The following LARGE1 variants were observed in gnomAD, a reference collection of about 807,000 sequenced individuals.
LARGE1 encodes the protein xylosyl- and glucuronyltransferase LARGE1.
A neutral mutation model predicts 87.6 loss-of-function variants in LARGE1; 43 were observed. The ratio of observed to expected loss-of-function variants is 0.49; its 90% CI spans 0.38 to 0.63. The LOEUF (loss-of-function observed/expected upper bound fraction) is 0.63, where lower values mean the gene tolerates loss of function less well. LARGE1 is among the 30% of genes least tolerant of loss of function. The pLI, the probability that LARGE1 is intolerant of heterozygous loss-of-function variation, is 0.00. For missense variants in LARGE1, 802 were observed against 1,000.2 expected (o/e 0.80, Z 2.67); for synonymous variants, 434 against 394.6 (o/e 1.10, Z -1.18).
intron 2 of LARGE1, chr22:33,746,288 G>A (rs2145583892): frequency 6.6e-6 from 1 of 152,310 alleles, no homozygotes; most frequent in African/African-American, 2.4e-5. Flanking sequence ...ACAGTTCTGA[G>A]GAAGAAACTA....
intron 1 of LARGE1, among the ~76,000 whole-genome samples, chr22:33,784,285 T>C (rs2085527136): frequency 6.6e-6 from 1 of 152,182 alleles, no homozygotes; most frequent in Non-Finnish European, 1.5e-5. Context: ...TTCACATACG[T>C]TGTCTTACTA....
At chr22:33,519,802 C>T (rs1489723448) in intron 6 of LARGE1, among the ~76,000 whole-genome samples, 2 of 152,112 alleles carry the variant, frequency 1.3e-5, no homozygotes, top group African/African-American at 4.8e-5. Flanking sequence ...ATCACCAGCC[C>T]ACATTCTGTT....
At chr22:33,870,276 CA>C in intron 1 of LARGE1, among the ~76,000 whole-genome samples, 1 of 152,066 alleles carries the variant, frequency 6.6e-6, no homozygotes, top group East Asian at 1.9e-4. Context: ...ATGGCCCTGC[CA>C]ACACAAAACT....
At chr22:33,915,042 C>CACACAGAGAGAG (rs144076486) in intron 1 of LARGE1, among the ~76,000 whole-genome samples, 72 of 137,108 alleles carry the variant, frequency 5.3e-4, no homozygotes, top group African/African-American at 1.7e-3. Context: ...CACACACACA[C>CACACAGAGAGAG]AGAGAGAGAG....
intron 5 of LARGE1, among the ~76,000 whole-genome samples, chr22:33,571,539 A>AAAG (rs2078204747): frequency 6.6e-6 from 1 of 152,206 alleles, no homozygotes; most frequent in Non-Finnish European, 1.5e-5. Context: ...AAAAACAGGA[A>AAAG]AAGAGACTGG....
chr22:33,498,638 G>T (rs1441075927), intron 6 of LARGE1, among the ~76,000 whole-genome samples: 1 of 152,132 alleles, frequency 6.6e-6, no homozygotes, highest in East Asian at 1.9e-4. Context: ...ATGTAAATAA[G>T]ATAAGTACTA....
chr22:33,197,612 G>T (rs1207934644), intron 11 of LARGE1, among the ~76,000 whole-genome samples: 1 of 151,990 alleles, frequency 6.6e-6, no homozygotes, highest in East Asian at 1.9e-4. Context: ...TATAAATACA[G>T]AGTACTGTTG....
At chr22:33,465,296 C>T (rs2068560731) in intron 6 of LARGE1, among the ~76,000 whole-genome samples, 1 of 152,138 alleles carries the variant, frequency 6.6e-6, no homozygotes, top group African/African-American at 2.4e-5. Flanking sequence ...CCACAAAGTA[C>T]ATGGAAGTGA....
chr22:33,179,970 G>T (rs577052353), intron 11 of LARGE1, among the ~76,000 whole-genome samples: 1 of 151,648 alleles, frequency 6.6e-6, no homozygotes, highest in South Asian at 2.1e-4. Flanking sequence ...TAAGGCCCTC[G>T]TAAAAGAGAA....
At chr22:33,504,931 C>A (rs1280519299) in intron 6 of LARGE1, among the ~76,000 whole-genome samples, 1 of 152,192 alleles carries the variant, frequency 6.6e-6, no homozygotes, top group Non-Finnish European at 1.5e-5. Context: ...AAGTGTATAG[C>A]ATCTATCCTC....
the LARGE1 span, among the ~76,000 whole-genome samples, chr22:33,121,143 T>C: frequency 6.6e-6 from 1 of 152,124 alleles, no homozygotes; most frequent in Non-Finnish European, 1.5e-5. Flanking sequence ...GGGGGAAGGA[T>C]AATGACATCT....
chr22:33,754,582 C>G (rs554934371), intron 2 of LARGE1, among the ~76,000 whole-genome samples: 9 of 152,062 alleles, frequency 5.9e-5, no homozygotes. Context: ...GTGATCTGCC[C>G]GCCTCAGCCT....
chr22:33,735,274 C>T (rs567116529), intron 2 of LARGE1, among the ~76,000 whole-genome samples: 42 of 152,240 alleles, frequency 2.8e-4, no homozygotes, highest in African/African-American at 9.9e-4. Flanking sequence ...AGCCTTTTTC[C>T]TTTGTTTTGT....
In LARGE1 at chr22:33,848,536, G is replaced by A. The variant is rs554571036; in HGVS notation, c.-83+71459C>T. On this transcript the variant is annotated intron_variant, in intron 1 of 14. Transcript: ENST00000397394. ...GTCCCCACACCAGGAGCCCACCCCAGCCTGACTCAAACTCTGCCTTACTCA... is the reference window on the plus strand; with the variant it reads ...GTCCCCACACCAGGAGCCCACCCCAACCTGACTCAAACTCTGCCTTACTCA... Among the ~76,000 whole-genome samples the A allele has an allele frequency of 7.2e-5, 11 of 152,190 alleles. No individual in the cohort carries two copies. The East Asian group carries it at 2.1e-3, about 30-fold the overall frequency.
intron 11 of LARGE1, among the ~76,000 whole-genome samples, chr22:33,226,717 A>G (rs1018470137): frequency 1.4e-5 from 2 of 143,308 alleles, no homozygotes; most frequent in Admixed American, 6.9e-5. Context: ...AATTATTATT[A>G]TTATTATTAT....
At chr22:33,156,073 G>A in the LARGE1 span, among the ~76,000 whole-genome samples, 1 of 152,218 alleles carries the variant, frequency 6.6e-6, no homozygotes, top group Non-Finnish European at 1.5e-5. Flanking sequence ...GTATGGAAAC[G>A]TCTGGATGCC....
At chr22:33,832,909 A>G (rs1265418188) in intron 1 of LARGE1, among the ~76,000 whole-genome samples, 1 of 152,246 alleles carries the variant, frequency 6.6e-6, no homozygotes, top group Admixed American at 6.5e-5. Context: ...TGGGCCAGAC[A>G]TGGCCTGGCA....
At chr22:33,351,286 T>G (rs1940348177) in intron 9 of LARGE1, among the ~76,000 whole-genome samples, 1 of 152,196 alleles carries the variant, frequency 6.6e-6, no homozygotes, top group Non-Finnish European at 1.5e-5. Flanking sequence ...GGGGAGAGGC[T>G]AAGTCATGTG....
At chr22:33,326,998 G>T (rs183582829) in intron 10 of LARGE1, among the ~76,000 whole-genome samples, 2 of 152,292 alleles carry the variant, frequency 1.3e-5, no homozygotes, top group Admixed American at 1.3e-4. Flanking sequence ...CTGTCTTAGG[G>T]TTTTGGGTCT....
Sources: allele counts gnomAD v4.1 joint callset (sites outside exome capture counted in the v4.1 genomes callset), GRCh38; gene constraint gnomAD v4.1.1; transcripts MANE v1.5; gene names NCBI Gene and HGNC (gene_info 2026-07-23, HGNC 2026-07-21).